The following PKP1 variants were observed in gnomAD, a reference collection of about 807,000 sequenced individuals.
The protein encoded by PKP1 is plakophilin 1.
In PKP1, 27 loss-of-function variants were observed where a neutral mutation model predicts 76.4. The observed-to-expected ratio is 0.35, with a 90% confidence interval of 0.26 to 0.49. The LOEUF (loss-of-function observed/expected upper bound fraction) is 0.49, where lower values mean the gene tolerates loss of function less well. PKP1 is among the 20% of genes least tolerant of loss of function. The pLI is 0.99. For synonymous variants in PKP1, 404 were observed against 384.2 expected (o/e 1.05, Z -0.60); for missense variants, 964 against 955.2 (o/e 1.01, Z -0.12).
At chr1:201,328,424 G>A in intron 12 of PKP1, 1 of 385,748 alleles carries the variant, frequency 2.6e-6, no homozygotes, top group South Asian at 2.2e-5. Context: ...TCAGAGGGAA[G>A]AACAATTGAC....
In PKP1 at chr1:201,305,609, T is replaced by C. The variant is rs530445828; in HGVS notation, c.307-7557T>C. 2.0e-3 allele frequency among the ~76,000 whole-genome samples: 309 copies of C among 152,322 alleles called. 1 individual carries two copies. The highest frequency in any genetic ancestry group is 7.1e-3 in the African/African-American group (297 of 41,572). On this transcript the variant is annotated intron_variant, in intron 2 of 13. Transcript: ENST00000367324. ...TTCTGGGCCAGGTAAGCACCTGCCC[T>C]TCAGGATGCTGCCACCTCCCAGCCT...
intron 1 of PKP1, among the ~76,000 whole-genome samples, chr1:201,287,837 C>T (rs1437351269): frequency 6.6e-6 from 1 of 152,190 alleles, no homozygotes; most frequent in Non-Finnish European, 1.5e-5. Flanking sequence ...CTGCGATGGG[C>T]CGTGACCCTT....
At position 201,313,378 on chromosome 1, in the gene PKP1, C is replaced by T; in HGVS notation, c.519C>T (p.Gly173=). 1 of 1,580,732 alleles carries T rather than the reference C, an allele frequency of 6.3e-7. No individual in the cohort carries two copies. The highest frequency in any genetic ancestry group is 8.6e-7 in the Non-Finnish European group (1 of 1,162,954). ...GCACCCTGCGCAAGGGCACGCTGGGCAGCAAGGGCCAGAAGACCACCCAGA... is the reference window on the plus strand; with the variant it reads ...GCACCCTGCGCAAGGGCACGCTGGGTAGCAAGGGCCAGAAGACCACCCAGA... ...PRGTLRKGTL[G]SKGQKTTQNR... is the part of the protein sequence containing the mutation. Residue 173 remains glycine (G), a synonymous_variant, in exon 3 of 14, where the codon GGC becomes GGT. Coordinates refer to ENST00000367324, the MANE Select transcript of PKP1 (RefSeq NM_001005337.3).
At chr1:201,312,116 AG>A (rs1442973322) in intron 2 of PKP1, among the ~76,000 whole-genome samples, 3 of 152,198 alleles carry the variant, frequency 2.0e-5, no homozygotes, top group African/African-American at 7.2e-5. Context: ...TTGCAGCCCC[AG>A]GCCTGCCTCC....
At chr1:201,304,861 C>A (rs1302979116) in intron 2 of PKP1, among the ~76,000 whole-genome samples, 2 of 152,208 alleles carry the variant, frequency 1.3e-5, no homozygotes, top group African/African-American at 4.8e-5. Context: ...CTTGGACCAG[C>A]CTAAAGTTCT....
At chr1:201,286,911 A>G (rs1178447778) in intron 1 of PKP1, among the ~76,000 whole-genome samples, 1 of 152,006 alleles carries the variant, frequency 6.6e-6, no homozygotes, top group Non-Finnish European at 1.5e-5. Flanking sequence ...TTATAACTTC[A>G]CTTGGAATCT....
At chr1:201,309,555 C>A (rs1656471982) in intron 2 of PKP1, among the ~76,000 whole-genome samples, 1 of 152,142 alleles carries the variant, frequency 6.6e-6, no homozygotes, top group Non-Finnish European at 1.5e-5. Context: ...GATAACCAGA[C>A]AAGAGGTTGT....
intron 9 of PKP1, 116 bp downstream of exon 9, chr1:201,323,305 A>G (rs1021015654): frequency 7.3e-6 from 7 of 957,054 alleles, no homozygotes; most frequent in Non-Finnish European, 1.2e-5. Flanking sequence ...TCCCATGAGC[A>G]GAGTGTGCCT....
In PKP1 at chr1:201,314,495, A is replaced by C. The variant is rs1028899369; in HGVS notation, c.701+935A>C. Among the ~76,000 whole-genome samples, 4 of 152,040 alleles carry C rather than the reference A, an allele frequency of 2.6e-5. No individual in the cohort carries two copies. The East Asian group carries it at 7.7e-4, about 29-fold the overall frequency. The stretch of plus-strand genomic sequence containing the variant: ...AAACAAACAACAACAACAACAACAA[A>C]AACCCTGAGGGACTTCATGGGGCTT... On this transcript the variant is annotated intron_variant, in intron 3 of 13. Transcript: ENST00000367324.
intron 8 of PKP1, 133 bp from the exon 9 acceptor site, chr1:201,322,880 T>TGAGGAAGAGAC: frequency 1.1e-6 from 1 of 882,480 alleles, no homozygotes; most frequent in Non-Finnish European, 1.8e-6. Context: ...GCCCCCTGCC[T>TGAGGAAGAGAC]CTGCAGGCGC....
intron 13 of PKP1, among the ~76,000 whole-genome samples, chr1:201,329,203 T>G (rs1220242612): frequency 6.6e-6 from 1 of 152,098 alleles, no homozygotes; most frequent in Non-Finnish European, 1.5e-5. Context: ...ATAACTGGAG[T>G]TCTAGAATAT....
chr1:201,302,696 C>CG, intron 2 of PKP1, among the ~76,000 whole-genome samples: 1 of 152,212 alleles, frequency 6.6e-6, no homozygotes, highest in African/African-American at 2.4e-5. Context: ...GGGGAGGGGA[C>CG]GGGGGATCTG....
chr1:201,309,172 T>A (rs1656459704), intron 2 of PKP1, among the ~76,000 whole-genome samples: 3 of 151,936 alleles, frequency 2.0e-5, no homozygotes, highest in Admixed American at 2.0e-4. Flanking sequence ...TGAGACTGTC[T>A]CCTTGCCTAT....
At chr1:201,291,769 A>C (rs1268910759) in intron 1 of PKP1, among the ~76,000 whole-genome samples, 1 of 152,192 alleles carries the variant, frequency 6.6e-6, no homozygotes, top group Non-Finnish European at 1.5e-5. Flanking sequence ...CAAACCTTGG[A>C]AGAATGATCA....
In PKP1 at chr1:201,323,225, C is replaced by G. The variant is rs757795200; in HGVS notation, c.1680+36C>G. ...CTGTACCTTCTCTACTGCAGCAGCC[C>G]CATCCTCCAGCCACCGTCCAGCCTC... is the stretch of plus-strand genomic sequence containing the variant. On this transcript the variant is annotated intron_variant, in intron 9 of 13. Coordinates refer to ENST00000367324, the MANE Select transcript of PKP1 (RefSeq NM_001005337.3). The G allele has an allele frequency of 6.9e-6, 11 of 1,598,772 alleles. No homozygotes were observed. The African/African-American group carries it at 1.2e-4, about 18-fold the overall frequency.
At position 201,318,756 on chromosome 1, in the gene PKP1, T is replaced by C; in HGVS notation, c.1193T>C (p.Val398Ala). The C allele has an allele frequency of 6.2e-7, 1 of 1,610,678 alleles. No individual in the cohort carries two copies. The highest frequency in any genetic ancestry group is 1.3e-5 in the African/African-American group (1 of 74,970). The stretch of plus-strand genomic sequence containing the variant: ...AATAGCAACATGTCCCGGGAAGTGG[T>C]GGACCCTGAGGTCTTCTTCAATGCC... ...DGNSNMSREVVDPEVFFNATG... is the reference protein window; with the variant it reads ...DGNSNMSREVADPEVFFNATG... The change falls in exon 6 of 14, where the codon GTG (valine) becomes GCG (alanine). Residue 398 changes from valine to alanine, a missense_variant. Val to Ala is a moderately conservative substitution (Grantham distance 64). Coordinates refer to ENST00000367324, the MANE Select transcript of PKP1 (RefSeq NM_001005337.3).
At chr1:201,316,125 C>CGGACGGACGGATGGACGGAT (rs772642182) in intron 3 of PKP1, 12 of 47,770 alleles carry the variant, frequency 2.5e-4, no homozygotes, top group East Asian at 3.2e-3. Flanking sequence ...GACGGATGGA[C>CGGACGGACGGATGGACGGAT]GGACGGACGG....
At chr1:201,290,985 T>C (rs1318129213) in intron 1 of PKP1, among the ~76,000 whole-genome samples, 2 of 152,168 alleles carry the variant, frequency 1.3e-5, no homozygotes, top group African/African-American at 2.4e-5. Flanking sequence ...TAGAGGGCAT[T>C]ACTTACCAGT....
At position 201,316,617 on chromosome 1, in the gene PKP1, T is replaced by C; in HGVS notation, c.766T>C (p.Ser256Pro). Residue 256 changes from serine (S) to proline (P), a missense_variant, in exon 4 of 14, where the codon TCC becomes CCC. Physicochemically the swap from Ser to Pro is moderately conservative, Grantham distance 74. Transcript: ENST00000367324. ...TIPKAVQYLS[S>P]QDEKYQAIGA... is the part of the protein sequence containing the mutation. ...CCCCAAGGCTGTGCAGTACCTGAGCTCCCAGGATGAGAAGTACCAGGCCAT... is the reference window on the plus strand; with the variant it reads ...CCCCAAGGCTGTGCAGTACCTGAGCCCCCAGGATGAGAAGTACCAGGCCAT... The C allele has an allele frequency of 6.2e-7, 1 of 1,613,090 alleles. No individual in the cohort carries two copies. Among genetic ancestry groups the C allele is most frequent in the South Asian group, 1.1e-5 (1 of 90,676 alleles).
Sources: gnomAD v4.1 joint callset for allele counts (sites outside exome capture counted in the v4.1 genomes callset) on GRCh38, gnomAD v4.1.1 for gene constraint, MANE v1.5 for transcripts, NCBI Gene and HGNC (gene_info 2026-07-23, HGNC 2026-07-21) for gene names.